The following ANKRD50 variants were observed in gnomAD, a reference collection of about 807,000 sequenced individuals.
The protein encoded by ANKRD50 is ankyrin repeat domain 50.
Under a neutral mutation model 112.0 loss-of-function variants are expected in ANKRD50, and 40 were observed. That is an observed-to-expected ratio of 0.36 (90% CI 0.28 to 0.46). The LOEUF is 0.46. ANKRD50 is among the 20% of genes least tolerant of loss of function. The probability of loss-of-function intolerance (pLI) is 1.00; values close to 1 mark genes in which losing one functional copy is unlikely to be tolerated. For synonymous variants in ANKRD50, 613 were observed against 619.1 expected (o/e 0.99, Z 0.15); for missense variants, 1,487 against 1,701.7 (o/e 0.87, Z 2.22).
chr4:124,683,990 AT>A (rs1313042709), intron 2 of ANKRD50, among the ~76,000 whole-genome samples: 1 of 148,970 alleles, frequency 6.7e-6, no homozygotes, highest in Non-Finnish European at 1.5e-5. Context: ...ATAAGAAAAG[AT>A]TTTTGCTATG....
intron 4 of ANKRD50, among the ~76,000 whole-genome samples, chr4:124,667,864 G>A (rs1431547994): frequency 6.6e-6 from 1 of 151,684 alleles, no homozygotes; most frequent in Non-Finnish European, 1.5e-5. Flanking sequence ...AATGACATTT[G>A]GTCACCCCTA....
Position 124,712,474 on chromosome 4 carries a change from G to T in ANKRD50, c.-780C>A. Reference sequence around the variant, plus strand: ...CCCGGTTACCTCGGCCCCAGCCGCCGCCGTGGCCGCCGCTGCCGCTGTTAG... The same window carrying T: ...CCCGGTTACCTCGGCCCCAGCCGCCTCCGTGGCCGCCGCTGCCGCTGTTAG... On this transcript the variant is annotated 5_prime_UTR_variant, in exon 1 of 5. Transcript: ENST00000504087. 1 of 155,376 alleles carries T rather than the reference G, an allele frequency of 6.4e-6. No homozygotes were observed. The highest frequency in any genetic ancestry group is 1.4e-5 in the Non-Finnish European group (1 of 71,098). The allele number at this position is 155,376 out of a possible 1,614,324, so 9.6% of individuals were successfully genotyped here.
intron 2 of ANKRD50, among the ~76,000 whole-genome samples, chr4:124,698,765 T>C (rs1231752883): frequency 6.6e-6 from 1 of 152,206 alleles, no homozygotes; most frequent in Non-Finnish European, 1.5e-5. Context: ...GGGATTTTTG[T>C]TAGGATTGTA....
intron 2 of ANKRD50, among the ~76,000 whole-genome samples, chr4:124,700,123 G>A (rs1194411217): frequency 3.9e-5 from 6 of 152,188 alleles, no homozygotes; most frequent in African/African-American, 1.4e-4. Flanking sequence ...AGTGAATAAG[G>A]AAAGCTCTCT....
At chr4:124,697,991 A>G (rs995020243) in intron 2 of ANKRD50, among the ~76,000 whole-genome samples, 5 of 152,230 alleles carry the variant, frequency 3.3e-5, no homozygotes, top group African/African-American at 1.2e-4. Context: ...TGCATGAAAC[A>G]AACAATAGTA....
At position 124,710,347 on chromosome 4, in the gene ANKRD50, C is replaced by A. The variant is rs1164996751; in HGVS notation, c.165G>T (p.Met55Ile). The A allele has an allele frequency of 9.9e-6, 16 of 1,614,072 alleles. No homozygotes were observed. The Admixed American group carries it at 2.7e-4, about 27-fold the overall frequency. ...NSAVNAPSLV[M>I]NSGNNASGVS... The stretch of plus-strand genomic sequence containing the variant: ...CACCACTAGCATTATTCCCAGAATT[C>A]ATTACAAGTGATGGTGCATTGACAG... Residue 55 changes from methionine to isoleucine, a missense_variant, in exon 2 of 5, where the codon ATG becomes ATT. This residue lies in a region of ANKRD50 where 1,046 missense variants were observed against 1,269.5 expected (regional missense o/e 0.82). Transcript: ENST00000504087.
intron 2 of ANKRD50, among the ~76,000 whole-genome samples, chr4:124,686,874 A>G (rs1010314782): frequency 1.3e-5 from 2 of 152,028 alleles, no homozygotes; most frequent in African/African-American, 4.8e-5. Context: ...GCAACAACAA[A>G]TATCAAATTT....
At chr4:124,691,335 AC>A (rs377442778) in intron 2 of ANKRD50, among the ~76,000 whole-genome samples, 4,383 of 148,004 alleles carry the variant, frequency 0.03, 89 homozygotes, top group Middle Eastern at 0.063. Context: ...TACTAAAAAT[AC>A]AAAAAATTAG....
Position 124,669,070 on chromosome 4 carries a change from C to T in ANKRD50, c.4207G>A (p.Glu1403Lys), listed in dbSNP as rs763894330. The T allele has an allele frequency of 4.3e-6, 7 of 1,613,466 alleles. No homozygotes were observed. The highest frequency in any genetic ancestry group is 5.9e-6 in the Non-Finnish European group (7 of 1,179,698). Reference sequence around the variant, plus strand: ...TTCAGAGCTTGTTTAAGGCTTAATTCTGTCTCTGAGGAAGGGTATCCCTCC... The same window carrying T: ...TTCAGAGCTTGTTTAAGGCTTAATTTTGTCTCTGAGGAAGGGTATCCCTCC... The part of the protein sequence containing the change: ...VLEGYPSSET[E>K]LSLKQALKLQ... Residue 1403 changes from glutamate (E) to lysine (K), a missense_variant, in exon 4 of 5, where the codon GAA (glutamate) becomes AAA (lysine). Coordinates refer to ENST00000504087, the MANE Select transcript of ANKRD50 (RefSeq NM_020337.3).
intron 2 of ANKRD50, among the ~76,000 whole-genome samples, chr4:124,702,370 A>G (rs1004338907): frequency 6.6e-6 from 1 of 152,222 alleles, no homozygotes; most frequent in African/African-American, 2.4e-5. Flanking sequence ...CTATCCCAAG[A>G]AAAATATTAA....
In ANKRD50 at chr4:124,710,750, C is replaced by A. The variant is rs1306382974; in HGVS notation, c.-239G>T. 1 of 535,912 alleles carries A rather than the reference C, an allele frequency of 1.9e-6. No homozygotes were observed. The highest frequency in any genetic ancestry group is 3.3e-6 in the Non-Finnish European group (1 of 304,162). 33.2% of individuals were successfully genotyped at this position (535,912 alleles called of 1,614,324 possible). ...ACTGAGGGAGAAACGCCTGATTCCA[C>A]AGCTCAGCAACACTTTTCCTAAATT... is the stretch of plus-strand genomic sequence containing the variant. On this transcript the variant is annotated 5_prime_UTR_variant, in exon 2 of 5. Transcript: ENST00000504087.
intron 4 of ANKRD50, among the ~76,000 whole-genome samples, 156 bp downstream of exon 4, chr4:124,668,828 A>G (rs1353877390): frequency 6.6e-6 from 1 of 151,914 alleles, no homozygotes; most frequent in Middle Eastern, 3.2e-3. Flanking sequence ...GAGGCAGGAG[A>G]ATTCTGATGT....
At chr4:124,685,730 T>C (rs938518355) in intron 2 of ANKRD50, among the ~76,000 whole-genome samples, 10 of 152,190 alleles carry the variant, frequency 6.6e-5, no homozygotes, top group African/African-American at 1.9e-4. Context: ...TTCATTAATA[T>C]TGAGCCAATA....
intron 1 of ANKRD50, among the ~76,000 whole-genome samples, chr4:124,711,558 G>A (rs188342130): frequency 6.6e-6 from 1 of 152,144 alleles, no homozygotes; most frequent in Admixed American, 6.5e-5. Flanking sequence ...GAAACTTTAC[G>A]CACATACAGT....
At chr4:124,685,943 T>C (rs961142335) in intron 2 of ANKRD50, among the ~76,000 whole-genome samples, 2 of 152,136 alleles carry the variant, frequency 1.3e-5, no homozygotes, top group Admixed American at 1.3e-4. Context: ...TTGAAGTAGA[T>C]ATACATTGAG....
At chr4:124,704,154 A>G (rs1034867371) in intron 2 of ANKRD50, among the ~76,000 whole-genome samples, 1 of 152,232 alleles carries the variant, frequency 6.6e-6, no homozygotes, top group African/African-American at 2.4e-5. Context: ...AAACATGTAA[A>G]GTTTTGATTA....
chr4:124,698,356 C>CGT (rs1329411276), intron 2 of ANKRD50, among the ~76,000 whole-genome samples: 2 of 151,074 alleles, frequency 1.3e-5, no homozygotes, highest in Non-Finnish European at 3.0e-5. Flanking sequence ...AATATACATA[C>CGT]GTGTGTGTGT....
intron 2 of ANKRD50, 60 bp from the exon 3 acceptor site, chr4:124,678,965 T>C: frequency 8.2e-7 from 1 of 1,220,440 alleles, no homozygotes; most frequent in South Asian, 1.4e-5. Context: ...TTAAGATTTA[T>C]TATTCAAACA....
At position 124,668,970 on chromosome 4, in the gene ANKRD50, T is replaced by C; in HGVS notation, c.*3+14A>G. On this transcript the variant is annotated intron_variant, in intron 4 of 4. Transcript: ENST00000504087. Reference sequence around the variant, plus strand: ...TACTTTTGTTTTTTACTCTTTATGTTGACAAAATATTACCTTTTATAATGG... The same window carrying C: ...TACTTTTGTTTTTTACTCTTTATGTCGACAAAATATTACCTTTTATAATGG... 3 of 1,587,862 alleles carry C rather than the reference T, an allele frequency of 1.9e-6. No individual in the cohort carries two copies. The highest frequency in any genetic ancestry group is 2.6e-6 in the Non-Finnish European group (3 of 1,173,336).
Sources: gnomAD v4.1 joint callset for allele counts (sites outside exome capture counted in the v4.1 genomes callset) on GRCh38, gnomAD v4.1.1 for gene constraint, gnomAD v4.1.1 regional missense constraint, MANE v1.5 for transcripts, NCBI Gene and HGNC (gene_info 2026-07-23, HGNC 2026-07-21) for gene names.